The following FRAS1 variants were observed in gnomAD, a reference collection of about 807,000 sequenced individuals.
The protein encoded by FRAS1 is Fraser extracellular matrix complex subunit 1, also known as extracellular matrix organizing protein FRAS1.
A neutral mutation model predicts 435.2 loss-of-function variants in FRAS1; 290 were observed. The ratio of observed to expected loss-of-function variants is 0.67; its 90% CI spans 0.61 to 0.73. The LOEUF (loss-of-function observed/expected upper bound fraction) is 0.73. FRAS1 is among the 30% of genes least tolerant of loss of function. The pLI is 0.00. For synonymous variants in FRAS1, 1,800 were observed against 1,851.0 expected, an observed-to-expected ratio of 0.97 and a Z score of 0.71; for missense variants, 4,860 against 5,001.5, an observed-to-expected ratio of 0.97 and a Z score of 0.85.
chr4:78,414,256 A>G (rs1056743623), intron 32 of FRAS1, among the ~76,000 whole-genome samples: 2 of 152,188 alleles, frequency 1.3e-5, no homozygotes, highest in Middle Eastern at 3.2e-3. Context: ...GTTAAGAAAA[A>G]TGTGCACACA....
intron 68 of FRAS1, 52 bp downstream of exon 68, chr4:78,521,682 C>T: frequency 1.8e-6 from 2 of 1,111,472 alleles, no homozygotes; most frequent in Non-Finnish European, 2.7e-6. Context: ...AAACATTTCA[C>T]ACATACAGAA....
intron 50 of FRAS1, among the ~76,000 whole-genome samples, chr4:78,469,186 A>C (rs747012074): frequency 3.9e-5 from 6 of 152,210 alleles, no homozygotes; most frequent in Admixed American, 1.3e-4. Context: ...AGGTCTCTGG[A>C]GGGACGATGT....
intron 24 of FRAS1, 123 bp from the exon 25 acceptor site, chr4:78,373,988 A>G: frequency 1.2e-6 from 1 of 835,870 alleles, no homozygotes. Context: ...GACTCTTCAT[A>G]TGGTCCTTTG....
intron 14 of FRAS1, among the ~76,000 whole-genome samples, chr4:78,290,096 G>A (rs1412872331): frequency 6.6e-6 from 1 of 152,028 alleles, no homozygotes; most frequent in Non-Finnish European, 1.5e-5. Context: ...TTAGATACGA[G>A]AGTCCATAAG....
At chr4:78,410,372 T>C (rs2110356761) in intron 31 of FRAS1, among the ~76,000 whole-genome samples, 1 of 151,064 alleles carries the variant, frequency 6.6e-6, no homozygotes, top group African/African-American at 2.4e-5. Flanking sequence ...GCACTTTCAT[T>C]GAAAACAAAT....
At chr4:78,118,245 G>C (rs1718776363) in intron 2 of FRAS1, among the ~76,000 whole-genome samples, 1 of 152,186 alleles carries the variant, frequency 6.6e-6, no homozygotes, top group African/African-American at 2.4e-5. Context: ...CCCCTACTGG[G>C]GGGTGCCTCC....
intron 2 of FRAS1, among the ~76,000 whole-genome samples, chr4:78,145,777 A>T (rs1720393491): frequency 6.6e-6 from 1 of 152,166 alleles, no homozygotes; most frequent in Non-Finnish European, 1.5e-5. Context: ...TAATCTTTAT[A>T]ATTCCTACGT....
chr4:78,420,735 C>T (rs1221025232), intron 33 of FRAS1, among the ~76,000 whole-genome samples: 1 of 151,742 alleles, frequency 6.6e-6, no homozygotes, highest in Non-Finnish European at 1.5e-5. Context: ...TGAATTGAAA[C>T]TCAACTGAGA....
chr4:78,347,212 G>T (rs1377237457), intron 20 of FRAS1, among the ~76,000 whole-genome samples: 35 of 152,056 alleles, frequency 2.3e-4, no homozygotes, highest in Admixed American at 2.3e-3. Flanking sequence ...TTTGCTTCTT[G>T]ACAACCCCTC....
intron 2 of FRAS1, among the ~76,000 whole-genome samples, chr4:78,068,385 C>T (rs1740158018): frequency 6.6e-6 from 1 of 152,066 alleles, no homozygotes; most frequent in Admixed American, 6.6e-5. Flanking sequence ...CTGGTGGATA[C>T]CCAAGGGGAG....
At chr4:78,429,501 G>T (rs7695148) in intron 36 of FRAS1, among the ~76,000 whole-genome samples, 3,283 of 152,198 alleles carry the variant, frequency 0.022, 120 homozygotes, top group African/African-American at 0.075. Flanking sequence ...AAAATATAAA[G>T]TAATAGAGCG....
At chr4:78,377,450 A>C (rs747087472) in intron 26 of FRAS1, among the ~76,000 whole-genome samples, 12 of 152,212 alleles carry the variant, frequency 7.9e-5, no homozygotes, top group Non-Finnish European at 1.3e-4. Context: ...TGGCATTTCC[A>C]AACTGTCCTG....
At chr4:78,436,421 G>A (rs377060638) in intron 38 of FRAS1, among the ~76,000 whole-genome samples, 9 of 152,290 alleles carry the variant, frequency 5.9e-5, no homozygotes, top group African/African-American at 1.2e-4. Context: ...GCATTGCCAC[G>A]TGAAGATGAA....
intron 2 of FRAS1, among the ~76,000 whole-genome samples, chr4:78,234,380 T>C (rs1402945768): frequency 1.3e-5 from 2 of 151,986 alleles, no homozygotes; most frequent in African/African-American, 4.8e-5. Flanking sequence ...CACCCGCCAC[T>C]GCGCCCGGCT....
intron 2 of FRAS1, among the ~76,000 whole-genome samples, chr4:78,223,398 A>G (rs1396292759): frequency 6.6e-6 from 1 of 152,216 alleles, no homozygotes; most frequent in Non-Finnish European, 1.5e-5. Flanking sequence ...GGAAAGGTTT[A>G]CATGTCTGTA....
At chr4:78,490,840 C>T (rs574545065) in intron 59 of FRAS1, among the ~76,000 whole-genome samples, 208 of 147,574 alleles carry the variant, frequency 1.4e-3, no homozygotes, top group African/African-American at 4.5e-3. Flanking sequence ...AGGAAAAATC[C>T]TTCAAAAAAA....
intron 47 of FRAS1, among the ~76,000 whole-genome samples, chr4:78,456,522 C>T (rs920783766): frequency 6.6e-6 from 1 of 152,184 alleles, no homozygotes; most frequent in African/African-American, 2.4e-5. Flanking sequence ...TAGACTCTAA[C>T]TGGGCATCTA....
chr4:78,466,510 C>A, intron 50 of FRAS1, 75 bp downstream of exon 50: 1 of 1,092,260 alleles, frequency 9.2e-7, no homozygotes, highest in South Asian at 1.5e-5. Flanking sequence ...TTACATCAAG[C>A]ATACCATTGT....
chr4:78,406,720 G>A (rs570059499), intron 30 of FRAS1, among the ~76,000 whole-genome samples: 13 of 152,094 alleles, frequency 8.5e-5, no homozygotes, highest in Non-Finnish European at 1.3e-4. Flanking sequence ...TTCTTTTTAC[G>A]AATGAGGAAT....
Sources: gnomAD v4.1 joint callset for allele counts (sites outside exome capture counted in the v4.1 genomes callset) on GRCh38, gnomAD v4.1.1 for gene constraint, MANE v1.5 for transcripts, NCBI Gene and HGNC (gene_info 2026-07-23, HGNC 2026-07-21) for gene names.